Variants in PRKG1 observed in about 807,000 individuals in gnomAD.
The protein encoded by PRKG1 is cGMP-dependent protein kinase 1.
A neutral mutation model predicts 88.1 loss-of-function variants in PRKG1; 35 were observed. The ratio of observed to expected loss-of-function variants is 0.40; its 90% CI spans 0.30 to 0.53. The LOEUF is 0.53. Among genes scored for constraint, PRKG1 ranks in the 20% least tolerant of loss-of-function variants. The pLI, the probability that PRKG1 is intolerant of heterozygous loss-of-function variation, is 0.59. For missense variants in PRKG1, 540 were observed against 839.8 expected (o/e 0.64, Z 4.41); for synonymous variants, 303 against 292.5 (o/e 1.04, Z -0.37).
intron 2 of PRKG1, among the ~76,000 whole-genome samples, chr10:51,259,329 TATACTC>T (rs1388793917): frequency 6.6e-6 from 1 of 152,192 alleles, no homozygotes; most frequent in African/African-American, 2.4e-5. Context: ...TCTTGAAAAA[TATACTC>T]ATAACAACAG....
At chr10:52,234,290 C>T (rs1212316883) in intron 9 of PRKG1, among the ~76,000 whole-genome samples, 1 of 152,226 alleles carries the variant, frequency 6.6e-6, no homozygotes, top group African/African-American at 2.4e-5. Flanking sequence ...AGTTCCTCAC[C>T]AGCAACGGAA....
At position 51,335,643 on chromosome 10, in the gene PRKG1, C is replaced by T. The variant is rs188410665; in HGVS notation, c.479-132080C>T. On this transcript the variant is annotated intron_variant, in intron 2 of 17. Transcript: ENST00000373980. The stretch of plus-strand genomic sequence containing the variant: ...GCCTCCAAGGTTCAAGTGATTCTCC[C>T]GCCCCAGCCTCCTGAGTAGCTGGGA... Among the ~76,000 whole-genome samples, 97 of 152,202 alleles carry T rather than the reference C, an allele frequency of 6.4e-4. 2 individuals are homozygous for T. The highest frequency in any genetic ancestry group is 2.1e-3 in the African/African-American group (89 of 41,536).
chr10:51,093,165 C>T lies in PRKG1; in HGVS notation c.311+18264C>T, dbSNP rs534948166. On this transcript the variant is annotated intron_variant, in intron 1 of 17. Transcript: ENST00000373980. ...GTGAGCCCTGGACAAACAGCTTCAG[C>T]GTCACCTGGGAGCTTGTTAGAAATG... Among the ~76,000 whole-genome samples, 16 of 152,224 alleles carry T rather than the reference C, an allele frequency of 1.1e-4. No homozygotes were observed. The South Asian group carries it at 1.2e-3, about 12-fold the overall frequency.
intron 2 of PRKG1, among the ~76,000 whole-genome samples, chr10:51,277,448 C>G (rs113423012): frequency 6.6e-6 from 1 of 151,956 alleles, no homozygotes; most frequent in East Asian, 1.9e-4. Flanking sequence ...AATGTGGGCT[C>G]TTTTTTGGTT....
chr10:52,201,562 A>T (rs1839669163), intron 9 of PRKG1, among the ~76,000 whole-genome samples: 1 of 152,072 alleles, frequency 6.6e-6, no homozygotes, highest in African/African-American at 2.4e-5. Context: ...TGAATTTTAG[A>T]ATAGTTTTTT....
At chr10:51,453,918 G>A (rs1839507864) in intron 2 of PRKG1, among the ~76,000 whole-genome samples, 1 of 152,022 alleles carries the variant, frequency 6.6e-6, no homozygotes, top group Non-Finnish European at 1.5e-5. Context: ...CAAAATCAAT[G>A]TACACAAATC....
intron 2 of PRKG1, among the ~76,000 whole-genome samples, chr10:51,281,399 G>A (rs955796486): frequency 1.3e-5 from 2 of 152,146 alleles, no homozygotes; most frequent in African/African-American, 4.8e-5. Flanking sequence ...CTTAGCAAAT[G>A]GCACAGGAGG....
At chr10:51,098,896 GA>G (rs1018256711) in intron 1 of PRKG1, among the ~76,000 whole-genome samples, 1 of 152,126 alleles carries the variant, frequency 6.6e-6, no homozygotes, top group Non-Finnish European at 1.5e-5. Context: ...CAGACATCAA[GA>G]AAAACTGGAA....
chr10:52,078,501 A>G lies in PRKG1; in HGVS notation c.935+15870A>G, dbSNP rs531910096. Among the ~76,000 whole-genome samples, 13 of 152,328 alleles carry G rather than the reference A, an allele frequency of 8.5e-5. No homozygotes were observed. In the East Asian group the frequency reaches 2.5e-3, roughly 29 times the overall value. ...TTCTAACTTCCTACATGTGTACACTATTCCATACACTACCATGAGCTAACC... is the reference window on the plus strand; with the variant it reads ...TTCTAACTTCCTACATGTGTACACTGTTCCATACACTACCATGAGCTAACC... On this transcript the variant is annotated intron_variant, in intron 7 of 17. Coordinates refer to ENST00000373980, the MANE Select transcript of PRKG1 (RefSeq NM_006258.4).
intron 2 of PRKG1, among the ~76,000 whole-genome samples, chr10:51,416,970 G>C (rs1838259544): frequency 6.6e-6 from 1 of 152,140 alleles, no homozygotes. Flanking sequence ...AAAAAAACTA[G>C]TAAACGTGTT....
At position 52,037,161 on chromosome 10, in the gene PRKG1, C is replaced by T. The variant is rs369584637; in HGVS notation, c.763-17323C>T. 7.0e-4 allele frequency among the ~76,000 whole-genome samples: 106 copies of T among 152,278 alleles called. No homozygotes were observed. In the East Asian group the frequency reaches 0.013, roughly 18 times the overall value. ...AGTGGGGTCCCACACAGATGGGACA[C>T]GGCTTAGGAGGAATCCCGGGCTGCA... is the stretch of plus-strand genomic sequence containing the variant. On this transcript the variant is annotated intron_variant, in intron 5 of 17. Coordinates refer to ENST00000373980, the MANE Select transcript of PRKG1 (RefSeq NM_006258.4).
At chr10:52,271,902 G>C (rs892413211) in intron 11 of PRKG1, among the ~76,000 whole-genome samples, 1 of 151,964 alleles carries the variant, frequency 6.6e-6, no homozygotes, top group Non-Finnish European at 1.5e-5. Flanking sequence ...CTAATAAATG[G>C]ATAATGGGGA....
intron 12 of PRKG1, among the ~76,000 whole-genome samples, chr10:52,279,663 A>G (rs1056677089): frequency 6.6e-6 from 1 of 152,140 alleles, no homozygotes; most frequent in African/African-American, 2.4e-5. Context: ...TGAAAAAAAA[A>G]TAAGTGTCAC....
intron 5 of PRKG1, among the ~76,000 whole-genome samples, chr10:51,943,833 A>T (rs1382204022): frequency 6.6e-6 from 1 of 151,916 alleles, no homozygotes; most frequent in Non-Finnish European, 1.5e-5. Context: ...AAGCTTCTTG[A>T]GGTGCTGCTG....
chr10:52,021,978 A>T lies in PRKG1; in HGVS notation c.763-32506A>T, dbSNP rs927788420. ...AACTGCACTAAACGTAACTTGTCAT[A>T]TAATTTGCTATGCAGACAGTCCTCA... On this transcript the variant is annotated intron_variant, in intron 5 of 17. Transcript: ENST00000373980. Among the ~76,000 whole-genome samples, 6 of 152,200 alleles carry T rather than the reference A, an allele frequency of 3.9e-5. No individual in the cohort carries two copies. The East Asian group carries it at 1.2e-3, about 29-fold the overall frequency.
chr10:51,703,195 A>G (rs930080162), intron 3 of PRKG1, among the ~76,000 whole-genome samples: 2 of 152,236 alleles, frequency 1.3e-5, no homozygotes, highest in African/African-American at 2.4e-5. Context: ...ACCTTACATC[A>G]GAATACAAAA....
chr10:51,219,795 CAGG>C (rs1323796288), intron 2 of PRKG1, among the ~76,000 whole-genome samples: 6 of 151,912 alleles, frequency 3.9e-5, no homozygotes, highest in Non-Finnish European at 7.4e-5. Context: ...GAAGGATTGG[CAGG>C]AGAAGTTAAT....
At chr10:52,067,426 A>C (rs1166021314) in intron 7 of PRKG1, among the ~76,000 whole-genome samples, 1 of 152,190 alleles carries the variant, frequency 6.6e-6, no homozygotes, top group Non-Finnish European at 1.5e-5. Flanking sequence ...GAGTGCATAA[A>C]TACTAGTACT....
chr10:52,281,590 C>T (rs1385811487), intron 13 of PRKG1, among the ~76,000 whole-genome samples: 1 of 152,086 alleles, frequency 6.6e-6, no homozygotes, highest in Admixed American at 6.6e-5. Context: ...GCAGTCGACA[C>T]TCTTCCTTCA....
Sources: gnomAD v4.1 joint callset for allele counts (sites outside exome capture counted in the v4.1 genomes callset) on GRCh38, gnomAD v4.1.1 for gene constraint, MANE v1.5 for transcripts, NCBI Gene and HGNC (gene_info 2026-07-23, HGNC 2026-07-21) for gene names.